MRGPRF: variants seen among roughly 807,000 people sequenced by gnomAD.
MRGPRF encodes MAS related GPR family member F.
A neutral mutation model predicts 3.3 loss-of-function variants in MRGPRF; 2 were observed. The observed-to-expected ratio is 0.61, with a 90% CI of 0.25 to 1.92. The LOEUF (loss-of-function observed/expected upper bound fraction) is 1.92, where lower values mean the gene tolerates loss of function less well. Ranked by LOEUF, MRGPRF falls within the 40% of genes most tolerant of loss-of-function variation. The pLI is 0.16. For synonymous variants in MRGPRF, 242 were observed against 222.7 expected (o/e 1.09, Z -0.77); for missense variants, 500 against 476.0 (o/e 1.05, Z -0.47).
Position 69,005,172 on chromosome 11 carries a change from A to ATCTT in MRGPRF, c.*102_*105dup. The ATCTT allele has an allele frequency of 7.4e-7, 1 of 1,343,034 alleles. No homozygotes were observed. Among genetic ancestry groups the ATCTT allele is most frequent in the South Asian group, 1.5e-5 (1 of 64,690 alleles). 83.2% of individuals were successfully genotyped at this position (1,343,034 alleles called of 1,614,324 possible). A position where few individuals can be genotyped will look rare whatever the true frequency, so the allele number is the denominator to read the frequency against. The stretch of plus-strand genomic sequence containing the variant: ...AAGGAGGCCCGAGGAGAGGAAACAG[A>ATCTT]TCTTTCTTCTCCTGTATGGACTCAG... On this transcript the variant is annotated 3_prime_UTR_variant, in exon 3 of 3. Coordinates refer to ENST00000309099, the MANE Select transcript of MRGPRF (RefSeq NM_145015.5).
chr11:69,006,272 G>A lies in MRGPRF; in HGVS notation c.49-11C>T, dbSNP rs60308539. 417,360 of 1,595,520 alleles carry A rather than the reference G, an allele frequency of 0.26. 56,125 individuals are homozygous for A. The highest frequency in any genetic ancestry group is 0.32 in the South Asian group (29,202 of 90,016). On this transcript the variant is annotated splice_polypyrimidine_tract_variant and intron_variant, in intron 2 of 2. Coordinates refer to ENST00000309099, the MANE Select transcript of MRGPRF (RefSeq NM_145015.5). ...CAGGCCAGGGCACATCTGCGCAGGT[G>A]CAGAGAGGGACACCTGTGATGCCGG...
Position 69,006,506 on chromosome 11 carries a change from T to C in MRGPRF, c.49-245A>G, listed in dbSNP as rs1046559479. 6.6e-5 allele frequency among the ~76,000 whole-genome samples: 10 copies of C among 152,006 alleles called. No homozygotes were observed. In the South Asian group the frequency reaches 1.7e-3, roughly 25 times the overall value. ...AGCTAGCAGCACACAATGGTGCCTA[T>C]AGGAGTAGAGGTAGCACCAGACAGT... On this transcript the variant is annotated intron_variant, in intron 2 of 2. Coordinates refer to ENST00000309099, the MANE Select transcript of MRGPRF (RefSeq NM_145015.5).
rs369356023 is a variant in MRGPRF at position 69,005,878 on chromosome 11, C to T, written c.432G>A (p.Ser144=). 7.6e-5 allele frequency: 119 copies of T among 1,562,048 alleles called. No individual in the cohort carries two copies. Among genetic ancestry groups the T allele is most frequent in the Non-Finnish European group, 9.9e-5 (114 of 1,155,788 alleles). The change falls in exon 3 of 3, where the codon TCG becomes TCA. Residue 144 remains serine, a synonymous_variant. Coordinates refer to ENST00000309099, the MANE Select transcript of MRGPRF (RefSeq NM_145015.5). ...GCCAGTACCAGGCGGGGAAGATGACCGAGGCGCAGCGCTCGGCGCTGACGG... is the reference window on the plus strand; with the variant it reads ...GCCAGTACCAGGCGGGGAAGATGACTGAGGCGCAGCGCTCGGCGCTGACGG... ...LPAVSAERCA[S]VIFPAWYWRR...
intron 2 of MRGPRF, among the ~76,000 whole-genome samples, chr11:69,008,903 A>T (rs1291588440): frequency 6.6e-6 from 1 of 152,154 alleles, no homozygotes; most frequent in Non-Finnish European, 1.5e-5. Flanking sequence ...TTGGAGTCAG[A>T]GGGGGAGGCC....
chr11:69,006,239 GC>G lies in MRGPRF; in HGVS notation c.70del (p.Ala24ProfsTer10). Reference sequence around the variant, plus strand: ...GAAGCCCCGGCTGTAGAGTTCCGGGGCCTCGCTCAGGCCAGGGCACATCTGC... The same window carrying G: ...GAAGCCCCGGCTGTAGAGTTCCGGGGCTCGCTCAGGCCAGGGCACATCTGC... ...RNKMCPGLSE[A>X]PELYSRGFLT... On this transcript the variant is annotated frameshift_variant, in exon 3 of 3. Coordinates refer to ENST00000309099, the MANE Select transcript of MRGPRF (RefSeq NM_145015.5). LOFTEE classifies it low-confidence loss of function (END_TRUNC). 6.2e-7 allele frequency: 1 copy of G among 1,612,132 alleles called. No homozygotes were observed. The highest frequency in any genetic ancestry group is 8.5e-7 in the Non-Finnish European group (1 of 1,179,904).
At chr11:69,009,011 C>A (rs151329295) in intron 2 of MRGPRF, among the ~76,000 whole-genome samples, 2 of 152,226 alleles carry the variant, frequency 1.3e-5, no homozygotes, top group Non-Finnish European at 1.5e-5. Context: ...TCTGCCTTTG[C>A]GCTGGGAGTT....
Position 69,010,097 on chromosome 11 carries a change from C to T in MRGPRF, c.-56-140G>A, listed in dbSNP as rs1245461849. ...GGCAATCACCCCACACCCTCAGCAG[C>T]AGGGGCATTGTGGGACTGTCCTGGT... is the stretch of plus-strand genomic sequence containing the variant. On this transcript the variant is annotated intron_variant, in intron 1 of 2. Transcript: ENST00000309099. The T allele has an allele frequency of 2.8e-5, 17 of 611,194 alleles. No homozygotes were observed. The East Asian group carries it at 4.8e-4, about 17-fold the overall frequency. The allele number at this position is 611,194 out of a possible 1,614,324, so 37.9% of individuals were successfully genotyped here.
At chr11:69,007,239 T>C (rs1240108588) in intron 2 of MRGPRF, among the ~76,000 whole-genome samples, 2 of 152,056 alleles carry the variant, frequency 1.3e-5, no homozygotes, top group Non-Finnish European at 2.9e-5. Context: ...TGAGACAGAG[T>C]CTTGCTTTGT....
chr11:69,005,612 C>T lies in MRGPRF; in HGVS notation c.698G>A (p.Arg233His), dbSNP rs367925816. 4 of 1,566,350 alleles carry T rather than the reference C, an allele frequency of 2.6e-6. No homozygotes were observed. Among genetic ancestry groups the T allele is most frequent in the African/African-American group, 1.4e-5 (1 of 73,570 alleles). ...GATGACGTGGTTGAGCTTGGCAGAG[C>T]GCTGGCGCCGTCGGGCCCGGCACTC... Reference protein sequence around the residue: ...HVECRARRRQRSAKLNHVILA... With the variant: ...HVECRARRRQHSAKLNHVILA... The change falls in exon 3 of 3, where the codon CGC (arginine) becomes CAC (histidine). Residue 233 changes from arginine (R) to histidine (H), a missense_variant. Physicochemically the swap from Arg to His is conservative, Grantham distance 29. Transcript: ENST00000309099.
chr11:69,010,919 C>T (rs928964316), intron 1 of MRGPRF, among the ~76,000 whole-genome samples: 28 of 152,156 alleles, frequency 1.8e-4, no homozygotes, highest in African/African-American at 6.3e-4. Flanking sequence ...AAGCCCTGTG[C>T]CCCTTCCCCG....
Position 69,006,159 on chromosome 11 carries a change from A to T in MRGPRF, c.151T>A (p.Phe51Ile). ...AGGCCACACAGGCAGAGGAGCAGGA[A>T]GATGTAGTTCATGACGGCCGGAGGC... ...LPPPAVMNYI[F>I]LLLCLCGLVG... The change falls in exon 3 of 3, where the codon TTC becomes ATC. Residue 51 changes from phenylalanine to isoleucine, a missense_variant. Physicochemically the swap from Phe to Ile is conservative, Grantham distance 21 (BLOSUM62 0). Coordinates refer to ENST00000309099, the MANE Select transcript of MRGPRF (RefSeq NM_145015.5). 6.2e-7 allele frequency: 1 copy of T among 1,614,126 alleles called. No individual in the cohort carries two copies. Among genetic ancestry groups the T allele is most frequent in the Non-Finnish European group, 8.5e-7 (1 of 1,180,032 alleles).
rs554177142 is a variant in MRGPRF at position 69,005,156 on chromosome 11, C to G, written c.*122G>C. The G allele has an allele frequency of 1.1e-5, 14 of 1,282,482 alleles. No individual in the cohort carries two copies. Among genetic ancestry groups the G allele is most frequent in the Admixed American group, 9.0e-5 (3 of 33,334 alleles). The allele number at this position is 1,282,482 out of a possible 1,614,324, so 79.4% of individuals were successfully genotyped here. ...TCCCCAGCCCAGGGAGAAGGAGGCC[C>G]GAGGAGAGGAAACAGATCTTTCTTC... is the stretch of plus-strand genomic sequence containing the variant. On this transcript the variant is annotated 3_prime_UTR_variant, in exon 3 of 3. Transcript: ENST00000309099.
Position 69,005,715 on chromosome 11 carries a change from T to C in MRGPRF, c.595A>G (p.Ile199Val). The part of the protein sequence containing the change: ...APGAACRHMD[I>V]FLGILLFLLC... ...AGGAACAGGAGGATGCCCAGGAAGA[T>C]GTCCATGTGCCTGCAGGCCGCGCCG... The change falls in exon 3 of 3, where the codon ATC becomes GTC. Residue 199 changes from isoleucine to valine, a missense_variant. Physicochemically the swap from Ile to Val is conservative, Grantham distance 29. Coordinates refer to ENST00000309099, the MANE Select transcript of MRGPRF (RefSeq NM_145015.5). 6.4e-7 allele frequency: 1 copy of C among 1,550,622 alleles called. No individual in the cohort carries two copies. The highest frequency in any genetic ancestry group is 8.7e-7 in the Non-Finnish European group (1 of 1,146,896).
intron 2 of MRGPRF, chr11:69,009,619 G>A: frequency 1.6e-6 from 1 of 630,918 alleles, no homozygotes. Context: ...GCACAGCGAG[G>A]GACCTTGAGG....
intron 2 of MRGPRF, among the ~76,000 whole-genome samples, chr11:69,008,658 T>C (rs1341236394): frequency 6.6e-6 from 1 of 152,190 alleles, no homozygotes; most frequent in Non-Finnish European, 1.5e-5. Flanking sequence ...GCTCAACCCC[T>C]GTCGGCTGGT....
chr11:69,012,901 C>A (rs1372333956), intron 1 of MRGPRF, 182 bp downstream of exon 1: 1 of 152,368 alleles, frequency 6.6e-6, no homozygotes, highest in African/African-American at 2.4e-5. Context: ...TGAGTGACAG[C>A]CTCTCTGGGG....
At chr11:69,006,695 C>T (rs1291503421) in intron 2 of MRGPRF, among the ~76,000 whole-genome samples, 6 of 145,614 alleles carry the variant, frequency 4.1e-5, no homozygotes, top group South Asian at 2.2e-4. Context: ...ACGATCTCGG[C>T]TCACTGCAAC....
In MRGPRF at chr11:69,007,706, T is replaced by G. The variant is rs1003238970; in HGVS notation, c.49-1445A>C. Among the ~76,000 whole-genome samples the G allele has an allele frequency of 1.3e-5, 2 of 152,064 alleles. 1 individual carries two copies. Among genetic ancestry groups the G allele is most frequent in the African/African-American group, 4.8e-5 (2 of 41,390 alleles). On this transcript the variant is annotated intron_variant, in intron 2 of 2. Coordinates refer to ENST00000309099, the MANE Select transcript of MRGPRF (RefSeq NM_145015.5). Reference sequence around the variant, plus strand: ...AAATAAAATCACTTGTAAGTTACATTTAAAAAAAAACAACGAGTGGATCTC... The same window carrying G: ...AAATAAAATCACTTGTAAGTTACATGTAAAAAAAAACAACGAGTGGATCTC...
intron 1 of MRGPRF, among the ~76,000 whole-genome samples, chr11:69,010,710 A>G (rs887990967): frequency 6.6e-6 from 1 of 152,012 alleles, no homozygotes; most frequent in Admixed American, 6.5e-5. Flanking sequence ...TGCCGTAGGG[A>G]GGGACTGCTG....
Sources: gnomAD v4.1 joint callset for allele counts (sites outside exome capture counted in the v4.1 genomes callset) on GRCh38, gnomAD v4.1.1 for gene constraint, MANE v1.5 for transcripts, NCBI Gene and HGNC (gene_info 2026-07-23, HGNC 2026-07-21) for gene names.